The following EPHA5 variants were observed in gnomAD, a reference collection of about 807,000 sequenced individuals.
EPHA5 encodes the protein EPH receptor A5.
In EPHA5, 60 loss-of-function variants were observed where a neutral mutation model predicts 105.0. That is an observed-to-expected ratio of 0.57 (90% CI 0.46 to 0.71). The LOEUF (loss-of-function observed/expected upper bound fraction) is 0.71. EPHA5 is among the 30% of genes least tolerant of loss of function. The pLI is 0.00. For synonymous variants in EPHA5, 513 were observed against 449.1 expected (o/e 1.14, Z -1.80); for missense variants, 1,218 against 1,274.7 (o/e 0.96, Z 0.68).
At chr4:65,493,917 G>T (rs1008810988) in intron 4 of EPHA5, among the ~76,000 whole-genome samples, 7 of 152,014 alleles carry the variant, frequency 4.6e-5, no homozygotes, top group African/African-American at 1.7e-4. Flanking sequence ...TTAAAACATG[G>T]TTTTCTCTTT....
chr4:65,651,444 G>T (rs1748601574), intron 1 of EPHA5, among the ~76,000 whole-genome samples: 1 of 152,160 alleles, frequency 6.6e-6, no homozygotes, highest in African/African-American at 2.4e-5. Context: ...CTCCGTTCCA[G>T]TGTCTATTCT....
intron 2 of EPHA5, among the ~76,000 whole-genome samples, chr4:65,630,132 G>A (rs1169649756): frequency 6.6e-6 from 1 of 151,320 alleles, no homozygotes; most frequent in South Asian, 2.1e-4. Context: ...CAACCATCAG[G>A]TAATGGTCAG....
chr4:65,497,495 T>A (rs918409191), intron 3 of EPHA5, among the ~76,000 whole-genome samples: 12 of 152,076 alleles, frequency 7.9e-5, no homozygotes, highest in Non-Finnish European at 1.8e-4. Flanking sequence ...AGATTTAAAA[T>A]ATTATTTTTC....
chr4:65,495,980 AAATT>A (rs1476819967), intron 3 of EPHA5, among the ~76,000 whole-genome samples: 6 of 152,216 alleles, frequency 3.9e-5, no homozygotes, highest in African/African-American at 1.4e-4. Context: ...ATTGAATAAT[AAATT>A]AATTAATTAG....
intron 1 of EPHA5, among the ~76,000 whole-genome samples, chr4:65,643,891 C>G (rs2149515909): frequency 6.6e-6 from 1 of 152,092 alleles, no homozygotes; most frequent in Admixed American, 6.5e-5. Flanking sequence ...CAGCAATAAA[C>G]TATTCCCAAG....
intron 7 of EPHA5, among the ~76,000 whole-genome samples, chr4:65,412,728 A>G (rs1216627780): frequency 6.6e-6 from 1 of 152,134 alleles, no homozygotes; most frequent in Non-Finnish European, 1.5e-5. Flanking sequence ...GTAAAAGTAA[A>G]CAGGAAATGA....
chr4:65,330,768 G>A (rs1720535411), intron 16 of EPHA5: 1 of 1,023,370 alleles, frequency 9.8e-7, no homozygotes, highest in Non-Finnish European at 1.2e-6. Context: ...GCACAAATGG[G>A]TTCCTTGAGT....
intron 5 of EPHA5, among the ~76,000 whole-genome samples, chr4:65,470,743 T>G (rs1729205779): frequency 6.6e-6 from 1 of 152,190 alleles, no homozygotes. Context: ...ATCAATTATG[T>G]TACATATGCG....
chr4:65,488,726 A>T (rs1446086757), intron 5 of EPHA5, among the ~76,000 whole-genome samples: 1 of 152,226 alleles, frequency 6.6e-6, no homozygotes, highest in African/African-American at 2.4e-5. Context: ...AGGAAAAAAA[A>T]TGCCATAGAC....
chr4:65,595,657 T>G lies in EPHA5; in HGVS notation c.910+5984A>C, dbSNP rs1453202500. Among the ~76,000 whole-genome samples, 7 of 151,244 alleles carry G rather than the reference T, an allele frequency of 4.6e-5. No individual in the cohort carries two copies. The South Asian group carries it at 1.5e-3, about 32-fold the overall frequency. ...GTGCAGTGGCGCGATCTCCACTCAC[T>G]GCAAGCTCCACCTCCCGGGTTCACG... On this transcript the variant is annotated intron_variant, in intron 3 of 16. Transcript: ENST00000613740.
chr4:65,432,490 C>A (rs1725070279), intron 5 of EPHA5, among the ~76,000 whole-genome samples: 1 of 152,070 alleles, frequency 6.6e-6, no homozygotes. Context: ...TGTTGAAAAT[C>A]ATCTAACTAG....
chr4:65,522,880 A>G (rs995301245), intron 3 of EPHA5, among the ~76,000 whole-genome samples: 5 of 151,950 alleles, frequency 3.3e-5, no homozygotes, highest in Non-Finnish European at 7.4e-5. Flanking sequence ...CTCCTATTAC[A>G]CGTTTTATTT....
At position 65,333,234 on chromosome 4, in the gene EPHA5, G is replaced by A. The variant is rs563253316; in HGVS notation, c.2790-1106C>T. Among the ~76,000 whole-genome samples the A allele has an allele frequency of 4.0e-5, 6 of 151,570 alleles. No individual in the cohort carries two copies. The South Asian group carries it at 1.2e-3, about 32-fold the overall frequency. On this transcript the variant is annotated intron_variant, in intron 15 of 16. Transcript: ENST00000613740. ...CATGTGAAATTTACTTAAGTAAATT[G>A]CAACTATAAGAAAAAGGACACAAAT...
chr4:65,612,954 G>C (rs895595879), intron 2 of EPHA5, among the ~76,000 whole-genome samples: 2 of 151,990 alleles, frequency 1.3e-5, no homozygotes, highest in African/African-American at 4.8e-5. Context: ...ACTTCAACTA[G>C]GCCAATGTCC....
chr4:65,626,385 AT>A (rs1345283318), intron 2 of EPHA5, among the ~76,000 whole-genome samples: 1 of 152,204 alleles, frequency 6.6e-6, no homozygotes, highest in African/African-American at 2.4e-5. Flanking sequence ...TCTATAAAAA[AT>A]ATTGCTAATA....
intron 3 of EPHA5, among the ~76,000 whole-genome samples, chr4:65,568,009 T>G (rs1299249517): frequency 6.6e-6 from 1 of 151,428 alleles, no homozygotes; most frequent in Non-Finnish European, 1.5e-5. Flanking sequence ...GGAGATATAT[T>G]CATGAATAAT....
intron 5 of EPHA5, among the ~76,000 whole-genome samples, chr4:65,475,453 CTT>C (rs1461805550): frequency 4.6e-5 from 7 of 152,066 alleles, no homozygotes; most frequent in African/African-American, 1.7e-4. Flanking sequence ...TTAAACATAA[CTT>C]TGCCTCTCTG....
intron 3 of EPHA5, among the ~76,000 whole-genome samples, chr4:65,521,540 T>TAA (rs1734718291): frequency 6.6e-6 from 1 of 151,834 alleles, no homozygotes; most frequent in Non-Finnish European, 1.5e-5. Context: ...AAGCAAAGGT[T>TAA]AAAATCTGTT....
intron 4 of EPHA5, among the ~76,000 whole-genome samples, chr4:65,495,136 C>A (rs569930297): frequency 1.4e-4 from 21 of 152,246 alleles, no homozygotes; most frequent in Admixed American, 2.6e-4. Flanking sequence ...AGAAAATATT[C>A]TATATCTGTG....
Sources: gnomAD v4.1 joint callset for allele counts (sites outside exome capture counted in the v4.1 genomes callset) on GRCh38, gnomAD v4.1.1 for gene constraint, MANE v1.5 for transcripts, NCBI Gene and HGNC (gene_info 2026-07-23, HGNC 2026-07-21) for gene names.